SCP2: variants seen among roughly 807,000 people sequenced by gnomAD.
SCP2 encodes the protein sterol carrier protein 2, also known as SCP-2/3-oxoacyl-CoA thiolase.
Under a neutral mutation model 71.4 loss-of-function variants are expected in SCP2, and 48 were observed. That is an observed-to-expected ratio of 0.67 (90% CI 0.53 to 0.86). SCP2 has a LOEUF of 0.86. SCP2 is among the 40% of genes least tolerant of loss of function. The pLI, the probability that SCP2 is intolerant of heterozygous loss-of-function variation, is 0.00. For synonymous variants in SCP2, 220 were observed against 218.1 expected (o/e 1.01, Z -0.08); for missense variants, 560 against 655.6 (o/e 0.85, Z 1.59).
At chr1:52,936,786 G>T (rs12094203) in intron 1 of SCP2, among the ~76,000 whole-genome samples, 5,204 of 152,186 alleles carry the variant, frequency 0.034, 307 homozygotes, top group African/African-American at 0.12. Flanking sequence ...TAAGAATCGG[G>T]ATAGTAATTA....
intron 1 of SCP2, among the ~76,000 whole-genome samples, chr1:52,934,591 A>ATTTT (rs1653497260): frequency 2.4e-5 from 1 of 42,258 alleles, no homozygotes; most frequent in Non-Finnish European, 5.8e-5. Flanking sequence ...ATTCCAGCTA[A>ATTTT]CTTTTTTTTT....
At chr1:52,976,650 A>G (rs1166928763) in intron 7 of SCP2, 33 bp from the exon 8 acceptor site, 3 of 1,075,088 alleles carry the variant, frequency 2.8e-6, no homozygotes, top group Non-Finnish European at 4.4e-6. Context: ...TTGCTATCTC[A>G]CATTCTGTAA....
At chr1:53,005,330 G>A (rs1489408394) in intron 11 of SCP2, among the ~76,000 whole-genome samples, 3 of 152,156 alleles carry the variant, frequency 2.0e-5, no homozygotes, top group Non-Finnish European at 4.4e-5. Context: ...GCCTTAAGTG[G>A]GTCCCTGACC....
At chr1:52,961,941 T>C (rs1318024787) in intron 6 of SCP2, among the ~76,000 whole-genome samples, 1 of 152,132 alleles carries the variant, frequency 6.6e-6, no homozygotes, top group Non-Finnish European at 1.5e-5. Context: ...TTCACTCTGT[T>C]ATGCAGGTTG....
At chr1:52,973,745 T>C (rs967998023) in intron 6 of SCP2, among the ~76,000 whole-genome samples, 1 of 152,146 alleles carries the variant, frequency 6.6e-6, no homozygotes, top group African/African-American at 2.4e-5. Context: ...AGCTAATTTT[T>C]GTGTTTTTAC....
At chr1:52,994,133 C>T in intron 11 of SCP2, 3 of 1,055,594 alleles carry the variant, frequency 2.8e-6, no homozygotes, top group Non-Finnish European at 2.3e-6. Flanking sequence ...TTTCTTTATT[C>T]CTCAAAAGAA....
At chr1:52,947,034 C>A (rs1235592130) in intron 2 of SCP2, among the ~76,000 whole-genome samples, 9 of 141,700 alleles carry the variant, frequency 6.4e-5, no homozygotes, top group Admixed American at 2.2e-4. Flanking sequence ...GCCCTCCAGC[C>A]TGGGCGACAG....
rs192321348 is a variant in SCP2 at position 53,042,336 on chromosome 1, G to A, written c.1468+3290G>A. Among the ~76,000 whole-genome samples the A allele has an allele frequency of 3.2e-4, 48 of 149,246 alleles. 1 individual carries two copies. In the East Asian group the frequency reaches 8.9e-3, roughly 28 times the overall value. On this transcript the variant is annotated intron_variant, in intron 14 of 15. Coordinates refer to ENST00000371514, the MANE Select transcript of SCP2 (RefSeq NM_002979.5). ...TAGATATGCCCATACTGATATTAAGGTTGTTTTTTTTTTAATTTCTCCTTT... is the reference window on the plus strand; with the variant it reads ...TAGATATGCCCATACTGATATTAAGATTGTTTTTTTTTTAATTTCTCCTTT...
intron 5 of SCP2, among the ~76,000 whole-genome samples, chr1:52,958,285 C>T (rs1463239574): frequency 2.7e-5 from 4 of 149,140 alleles, no homozygotes; most frequent in Admixed American, 6.7e-5. Flanking sequence ...GAGTGGAGTG[C>T]GGTGGCACAA....
At chr1:52,964,208 TTC>T (rs1490845361) in intron 6 of SCP2, among the ~76,000 whole-genome samples, 2 of 150,402 alleles carry the variant, frequency 1.3e-5, no homozygotes, top group Non-Finnish European at 2.9e-5. Context: ...TTTTTTTCTT[TTC>T]TCTCTTTTTT....
At chr1:52,979,835 T>C (rs915759856) in intron 9 of SCP2, among the ~76,000 whole-genome samples, 7 of 152,128 alleles carry the variant, frequency 4.6e-5, no homozygotes, top group East Asian at 1.9e-4. Flanking sequence ...TTCTCCTAGA[T>C]GTTATTTTAT....
intron 10 of SCP2, among the ~76,000 whole-genome samples, chr1:52,982,298 C>T (rs976599612): frequency 3.3e-5 from 5 of 152,098 alleles, no homozygotes; most frequent in East Asian, 1.9e-4. Context: ...TGGCAGGGCG[C>T]GGTGGCTCAG....
intron 6 of SCP2, among the ~76,000 whole-genome samples, chr1:52,963,199 G>A (rs1656633874): frequency 6.6e-6 from 1 of 151,912 alleles, no homozygotes; most frequent in Non-Finnish European, 1.5e-5. Context: ...TTCCTTCATA[G>A]CACTTAGCAC....
chr1:52,982,792 A>C (rs976438597), intron 10 of SCP2, among the ~76,000 whole-genome samples: 1 of 152,178 alleles, frequency 6.6e-6, no homozygotes, highest in Non-Finnish European at 1.5e-5. Flanking sequence ...TGAAAACCCC[A>C]ATATATAATA....
At chr1:52,960,750 A>C (rs1363925078) in intron 5 of SCP2, among the ~76,000 whole-genome samples, 1 of 147,934 alleles carries the variant, frequency 6.8e-6, no homozygotes, top group Non-Finnish European at 1.5e-5. Context: ...GTGTATATTT[A>C]TTTATTTATT....
chr1:52,969,964 A>C (rs145528139), intron 6 of SCP2, among the ~76,000 whole-genome samples: 1 of 152,264 alleles, frequency 6.6e-6, no homozygotes, highest in Non-Finnish European at 1.5e-5. Flanking sequence ...TCCTTATGTC[A>C]TTCATTTATT....
At chr1:53,036,019 C>CCAA (rs1299503523) in intron 13 of SCP2, among the ~76,000 whole-genome samples, 12 of 63,284 alleles carry the variant, frequency 1.9e-4, no homozygotes, top group African/African-American at 6.2e-4. Context: ...GACTCCGTCT[C>CCAA]AAAAAAAAAA....
At chr1:53,015,146 T>A in intron 12 of SCP2, 103 bp downstream of exon 12, 2 of 1,112,444 alleles carry the variant, frequency 1.8e-6, no homozygotes. Context: ...TCTTAGTATT[T>A]AAGGAAAAGT....
chr1:52,984,432 A>T (rs1304033638), intron 10 of SCP2, among the ~76,000 whole-genome samples: 1 of 152,116 alleles, frequency 6.6e-6, no homozygotes, highest in Non-Finnish European at 1.5e-5. Flanking sequence ...TTTCAGTTGT[A>T]ATCAATGCAA....
Sources: allele counts gnomAD v4.1 joint callset (sites outside exome capture counted in the v4.1 genomes callset), GRCh38; gene constraint gnomAD v4.1.1; transcripts MANE v1.5; gene names NCBI Gene and HGNC (gene_info 2026-07-23, HGNC 2026-07-21).